KDM5B: variants seen among roughly 807,000 people sequenced by gnomAD.
KDM5B encodes the protein lysine-specific demethylase 5B.
A neutral mutation model predicts 193.4 loss-of-function variants in KDM5B; 144 were observed. That is an observed-to-expected ratio of 0.74 (90% CI 0.65 to 0.86). KDM5B has a LOEUF of 0.86. KDM5B is among the 40% of genes least tolerant of loss of function. The pLI is 0.00. For synonymous variants in KDM5B, 668 were observed against 682.6 expected, an observed-to-expected ratio of 0.98 and a Z score of 0.33; for missense variants, 1,833 against 1,886.9, an observed-to-expected ratio of 0.97 and a Z score of 0.53.
At chr1:202,805,936 G>C (rs1658274240) in intron 1 of KDM5B, among the ~76,000 whole-genome samples, 1 of 152,160 alleles carries the variant, frequency 6.6e-6, no homozygotes, top group Non-Finnish European at 1.5e-5. Flanking sequence ...TCCAAACAGA[G>C]TACTGGTTGT....
At chr1:202,740,304 G>T (rs530137798) in intron 20 of KDM5B, among the ~76,000 whole-genome samples, 8 of 132,596 alleles carry the variant, frequency 6.0e-5, no homozygotes, top group African/African-American at 2.1e-4. Flanking sequence ...CAGTAGGGGC[G>T]GCCGGGCAGA....
chr1:202,740,270 C>T (rs1313790206), intron 20 of KDM5B, among the ~76,000 whole-genome samples: 76 of 143,566 alleles, frequency 5.3e-4, no homozygotes, highest in Middle Eastern at 4.1e-3. Flanking sequence ...GGCGGCTGGC[C>T]GGGCAGAGGG....
chr1:202,798,999 A>G (rs188467312), intron 1 of KDM5B, among the ~76,000 whole-genome samples: 66 of 152,182 alleles, frequency 4.3e-4, no homozygotes, highest in Admixed American at 7.2e-4. Context: ...CAGCCTGGGC[A>G]ACAGAGCAAG....
intron 1 of KDM5B, among the ~76,000 whole-genome samples, chr1:202,792,124 TGTA>T (rs999561909): frequency 2.6e-5 from 4 of 152,238 alleles, no homozygotes; most frequent in African/African-American, 7.2e-5. Flanking sequence ...CCCAGTTTTC[TGTA>T]GTAGAACTGA....
intron 11 of KDM5B, 28 bp downstream of exon 11, chr1:202,755,239 ACTAC>A: frequency 1.3e-6 from 2 of 1,577,750 alleles, no homozygotes; most frequent in Non-Finnish European, 1.7e-6. Context: ...CAGCATGCAT[ACTAC>A]TCATGGGTTC....
At chr1:202,794,407 GAAA>G (rs1458757273) in intron 1 of KDM5B, among the ~76,000 whole-genome samples, 3 of 152,204 alleles carry the variant, frequency 2.0e-5, no homozygotes, top group Non-Finnish European at 4.4e-5. Context: ...TGTGCTTAAT[GAAA>G]AGTTCCAATC....
Position 202,733,667 on chromosome 1 carries a change from T to C in KDM5B, c.3643A>G (p.Ile1215Val). 1 of 1,614,148 alleles carries C rather than the reference T, an allele frequency of 6.2e-7. No individual in the cohort carries two copies. The highest frequency in any genetic ancestry group is 1.1e-5 in the South Asian group (1 of 91,078). ...CTCCGACAATGGGGACAAAGCCAGA[T>C]TCGCAGGCCCTGTGAAATACTGGGT... is the stretch of plus-strand genomic sequence containing the variant. ...AVPSISQGLRIWLCPHCRRSE... is the reference protein window; with the variant it reads ...AVPSISQGLRVWLCPHCRRSE... The change falls in exon 23 of 27, where the codon ATC becomes GTC. Residue 1215 changes from isoleucine to valine, a missense_variant. By Grantham distance (29) the Ile-to-Val change is conservative (BLOSUM62 3). Around this residue, in one of 3 missense-constraint regions of KDM5B, gnomAD observed 1,379 missense variants for 1,349.6 expected, o/e 1.02. Coordinates refer to ENST00000367265, the MANE Select transcript of KDM5B (RefSeq NM_006618.5).
Position 202,766,301 on chromosome 1 carries a change from C to T in KDM5B, c.711+625G>A, listed in dbSNP as rs913164039. On this transcript the variant is annotated intron_variant, in intron 5 of 26. Transcript: ENST00000367265. Reference sequence around the variant, plus strand: ...TGGGTGGATCACGAGGTCAGGAGATCGAGACCATCCTGGCTAACACGGTGA... The same window carrying T: ...TGGGTGGATCACGAGGTCAGGAGATTGAGACCATCCTGGCTAACACGGTGA... 9.4e-5 allele frequency: 25 copies of T among 266,808 alleles called. 2 individuals carry two copies. Among genetic ancestry groups the T allele is most frequent in the South Asian group, 6.3e-4 (19 of 30,342 alleles). The allele number at this position is 266,808 out of a possible 1,614,324, so 16.5% of individuals were successfully genotyped here.
chr1:202,791,061 T>C lies in KDM5B; in HGVS notation c.205-13967A>G, dbSNP rs78222485. Among the ~76,000 whole-genome samples, 9 of 152,310 alleles carry C rather than the reference T, an allele frequency of 5.9e-5. No individual in the cohort carries two copies. The East Asian group carries it at 1.5e-3, about 26-fold the overall frequency. On this transcript the variant is annotated intron_variant, in intron 1 of 26. Transcript: ENST00000367265. The stretch of plus-strand genomic sequence containing the variant: ...ATACATAGGCATGCTCAATTTAGGA[T>C]GGTAGATAAAAGTATGTCAAAAGAT...
At chr1:202,794,887 TAAC>T (rs1657776552) in intron 1 of KDM5B, among the ~76,000 whole-genome samples, 1 of 152,104 alleles carries the variant, frequency 6.6e-6, no homozygotes, top group African/African-American at 2.4e-5. Context: ...AGTTAGAGAT[TAAC>T]AATAACAATT....
intron 1 of KDM5B, among the ~76,000 whole-genome samples, chr1:202,777,950 G>C (rs1390129653): frequency 6.6e-6 from 1 of 152,086 alleles, no homozygotes; most frequent in Non-Finnish European, 1.5e-5. Context: ...CAAGGAGGGT[G>C]GATCACCTGA....
At chr1:202,782,436 G>C (rs952469423) in intron 1 of KDM5B, among the ~76,000 whole-genome samples, 3 of 152,112 alleles carry the variant, frequency 2.0e-5, no homozygotes, top group Admixed American at 6.6e-5. Flanking sequence ...CTGGGCTCAA[G>C]CAATCCTCAC....
intron 1 of KDM5B, among the ~76,000 whole-genome samples, chr1:202,787,815 G>A (rs888153851): frequency 2.4e-4 from 36 of 151,996 alleles, no homozygotes; most frequent in African/African-American, 8.0e-4. Context: ...GCTTGAACCC[G>A]GGAGGTGGAG....
At chr1:202,778,805 A>C (rs1266848087) in intron 1 of KDM5B, among the ~76,000 whole-genome samples, 1 of 152,090 alleles carries the variant, frequency 6.6e-6, no homozygotes, top group Non-Finnish European at 1.5e-5. Flanking sequence ...TATTTTTAGT[A>C]GAGGCGGGGT....
intron 2 of KDM5B, chr1:202,776,299 G>C (rs1025914961): frequency 6.6e-6 from 1 of 152,056 alleles, no homozygotes; most frequent in Non-Finnish European, 1.5e-5. Flanking sequence ...GACAGACAAA[G>C]AATTAAACAC....
At chr1:202,734,430 C>A (rs1257066721) in intron 22 of KDM5B, among the ~76,000 whole-genome samples, 2 of 148,974 alleles carry the variant, frequency 1.3e-5, no homozygotes, top group Non-Finnish European at 1.5e-5. Context: ...AACAAGGTAA[C>A]TTCTGACAGC....
At chr1:202,773,430 C>A in intron 3 of KDM5B, 142 bp from the exon 4 acceptor site, 1 of 630,446 alleles carries the variant, frequency 1.6e-6, no homozygotes, top group Non-Finnish European at 2.8e-6. Flanking sequence ...TACACACACA[C>A]ACATATATAT....
Position 202,749,040 on chromosome 1 carries a change from C to T in KDM5B, c.1921G>A (p.Asp641Asn), listed in dbSNP as rs767531426. Residue 641 changes from aspartate (D) to asparagine (N), a missense_variant, in exon 14 of 27, where the codon GAT (aspartate) becomes AAT (asparagine). By Grantham distance (23) the Asp-to-Asn change is conservative. Transcript: ENST00000367265. ...GAAGCCACTACAACATCTAATACAT[C>T]AGCCTTGGAAGCCATCTTGCAGATC... Reference protein sequence around the residue: ...EMICKMASKADVLDVVVASTV... With the variant: ...EMICKMASKANVLDVVVASTV... 4.3e-6 allele frequency: 7 copies of T among 1,614,104 alleles called. No individual in the cohort carries two copies. The highest frequency in any genetic ancestry group is 5.9e-6 in the Non-Finnish European group (7 of 1,179,982).
At chr1:202,738,009 T>C (rs1440896694) in intron 20 of KDM5B, among the ~76,000 whole-genome samples, 3 of 152,218 alleles carry the variant, frequency 2.0e-5, no homozygotes, top group South Asian at 2.1e-4. Flanking sequence ...TCCTATGATA[T>C]TTAATTTAGA....
Sources: gnomAD v4.1 joint callset for allele counts (sites outside exome capture counted in the v4.1 genomes callset) on GRCh38, gnomAD v4.1.1 for gene constraint, gnomAD v4.1.1 regional missense constraint, MANE v1.5 for transcripts, NCBI Gene and HGNC (gene_info 2026-07-23, HGNC 2026-07-21) for gene names.